FAM186A: variants seen among roughly 807,000 people sequenced by gnomAD.
FAM186A encodes family with sequence similarity 186 member A.
In FAM186A, 163 loss-of-function variants were observed where a neutral mutation model predicts 216.8. The observed-to-expected ratio is 0.75, with a 90% CI of 0.66 to 0.86. The LOEUF is 0.86. FAM186A is among the 40% of genes least tolerant of loss of function. The probability of loss-of-function intolerance (pLI) is 0.00; values close to 1 mark genes in which losing one functional copy is unlikely to be tolerated. For synonymous variants in FAM186A, 805 were observed against 1,025.3 expected, an observed-to-expected ratio of 0.79 and a Z score of 4.10; for missense variants, 2,184 against 2,746.2, an observed-to-expected ratio of 0.80 and a Z score of 4.58.
At chr12:50,328,859 T>C (rs1942629638) in intron 7 of FAM186A, among the ~76,000 whole-genome samples, 1 of 152,086 alleles carries the variant, frequency 6.6e-6, no homozygotes, top group Non-Finnish European at 1.5e-5. Flanking sequence ...CTCACGCCTG[T>C]AATCCCAACC....
chr12:50,355,843 A>G lies in FAM186A; in HGVS notation c.989T>C (p.Leu330Pro). 6.4e-7 allele frequency: 1 copy of G among 1,551,362 alleles called. No homozygotes were observed. The highest frequency in any genetic ancestry group is 8.7e-7 in the Non-Finnish European group (1 of 1,146,958). Residue 330 changes from leucine (L) to proline (P), a missense_variant, in exon 4 of 8, where the codon CTT becomes CCT. Transcript: ENST00000327337. ...TTCTATAACAATTTTGGATCGAATA[A>G]GTTGTTCACATTTTTCTTCTGCATC... is the stretch of plus-strand genomic sequence containing the variant. The part of the protein sequence containing the change: ...LQDAEEKCEQ[L>P]IRSKIVIEQL...
intron 1 of FAM186A, among the ~76,000 whole-genome samples, chr12:50,379,786 CAA>C (rs543793392): frequency 7.3e-6 from 1 of 137,716 alleles, no homozygotes. Context: ...AACTCCATCT[CAA>C]AAAAAAAAAG....
chr12:50,327,387 T>A lies in FAM186A; in HGVS notation c.7052A>T (p.Lys2351Ile), dbSNP rs978715630. The A allele has an allele frequency of 6.5e-7, 1 of 1,547,586 alleles. No homozygotes were observed. Among genetic ancestry groups the A allele is most frequent in the African/African-American group, 1.4e-5 (1 of 73,032 alleles). The part of the protein sequence containing the change: ...SLQSRVKKIP[K>I] Reference sequence around the variant, plus strand: ...TGCTTGTATTTAATTTTACAGTCATTTGGGAATCTTCTTAACCCTGGAAAT... The same window carrying A: ...TGCTTGTATTTAATTTTACAGTCATATGGGAATCTTCTTAACCCTGGAAAT... The change falls in exon 8 of 8, where the codon AAA (lysine) becomes ATA (isoleucine). Residue 2351 changes from lysine to isoleucine, a missense_variant. Transcript: ENST00000327337.
chr12:50,342,974 G>T (rs143214892), intron 4 of FAM186A, among the ~76,000 whole-genome samples: 38 of 149,932 alleles, frequency 2.5e-4, no homozygotes, highest in Admixed American at 1.4e-3. Context: ...GTCAGGCTGG[G>T]TGCAGTGGCT....
At chr12:50,359,205 C>A (rs1442410001) in intron 3 of FAM186A, among the ~76,000 whole-genome samples, 1 of 151,778 alleles carries the variant, frequency 6.6e-6, no homozygotes, top group Non-Finnish European at 1.5e-5. Flanking sequence ...TTGAGACCAG[C>A]CTGACCAACA....
intron 4 of FAM186A, among the ~76,000 whole-genome samples, chr12:50,349,929 G>A (rs1942858155): frequency 6.6e-6 from 1 of 152,114 alleles, no homozygotes; most frequent in Non-Finnish European, 1.5e-5. Flanking sequence ...TGGGATTACA[G>A]GCATGAGACA....
chr12:50,393,257 G>T (rs566208825), intron 1 of FAM186A, among the ~76,000 whole-genome samples: 1 of 152,058 alleles, frequency 6.6e-6, no homozygotes, highest in South Asian at 2.1e-4. Context: ...GTACATTTTG[G>T]CTGGGCGCGG....
intron 1 of FAM186A, among the ~76,000 whole-genome samples, chr12:50,379,792 A>C (rs141189770): frequency 6.6e-6 from 1 of 152,224 alleles, no homozygotes; most frequent in African/African-American, 2.4e-5. Flanking sequence ...ATCTCAAAAA[A>C]AAAAAGTAAA....
Position 50,350,400 on chromosome 12 carries a change from A to C in FAM186A, c.6432T>G (p.Leu2144=). Residue 2144 remains leucine (L), a synonymous_variant, in exon 4 of 8, where the codon CTT becomes CTG. Coordinates refer to ENST00000327337, the MANE Select transcript of FAM186A (RefSeq NM_001145475.3). ...TMARTLIIEI[L]HMDTVQLGYL... ...ATCCCAACTGAACTGTGTCCATATG[A>C]AGTATCTCAATTATGAGAGTCCTAG... 2 of 1,551,392 alleles carry C rather than the reference A, an allele frequency of 1.3e-6. No homozygotes were observed. The highest frequency in any genetic ancestry group is 1.7e-6 in the Non-Finnish European group (2 of 1,146,934).
chr12:50,367,574 G>C (rs1002935866), intron 1 of FAM186A, among the ~76,000 whole-genome samples: 1 of 148,182 alleles, frequency 6.7e-6, no homozygotes, highest in African/African-American at 2.5e-5. Context: ...AAAGGAAAAA[G>C]TAAAATTATC....
At chr12:50,396,208 A>T (rs1466304241) in intron 1 of FAM186A, 85 bp downstream of exon 1, 10 of 1,287,542 alleles carry the variant, frequency 7.8e-6, no homozygotes, top group Non-Finnish European at 1.0e-5. Context: ...CATGAAAGTG[A>T]TTTCTAAAAT....
chr12:50,382,240 C>A, intron 1 of FAM186A, among the ~76,000 whole-genome samples: 1 of 132,578 alleles, frequency 7.5e-6, no homozygotes, highest in African/African-American at 3.0e-5. Flanking sequence ...GAGCAAAACT[C>A]CAACTCAAAA....
At chr12:50,360,678 G>GAAAAA in intron 3 of FAM186A, 78 bp downstream of exon 3, 2 of 1,085,210 alleles carry the variant, frequency 1.8e-6, no homozygotes, top group East Asian at 3.1e-5. Context: ...GAGCGAGACT[G>GAAAAA]AAAAAAAAAA....
chr12:50,346,922 A>G (rs1328107652), intron 4 of FAM186A, among the ~76,000 whole-genome samples: 1 of 151,534 alleles, frequency 6.6e-6, no homozygotes, highest in African/African-American at 2.4e-5. Context: ...ACATGCACAC[A>G]CACACACACA....
chr12:50,354,448 A>T lies in FAM186A; in HGVS notation c.2384T>A (p.Ile795Asn). 6.4e-7 allele frequency: 1 copy of T among 1,551,484 alleles called. No homozygotes were observed. Among genetic ancestry groups the T allele is most frequent in the South Asian group, 1.2e-5 (1 of 84,062 alleles). Residue 795 changes from isoleucine (I) to asparagine (N), a missense_variant, in exon 4 of 8, where the codon ATC (isoleucine) becomes AAC (asparagine). By Grantham distance (149) the Ile-to-Asn change is moderately radical. Transcript: ENST00000327337. ...TCTTTCACTTTCTATTTCAGCCAAG[A>T]TCATTTGTATTAAATTGTTAATTAC... ...DPVINNLIQM[I>N]LAEIESERDI...
intron 7 of FAM186A, among the ~76,000 whole-genome samples, chr12:50,328,652 T>C (rs1193824800): frequency 6.6e-6 from 1 of 151,852 alleles, no homozygotes; most frequent in Non-Finnish European, 1.5e-5. Flanking sequence ...GGACTACAGG[T>C]GTGTGCCACC....
Position 50,370,269 on chromosome 12 carries a change from A to G in FAM186A, c.193-6905T>C, listed in dbSNP as rs555022458. ...CAGTGAGCCGAGATTGTGCCACTGC[A>G]TTCCATCCTAGGCGACAGAGTGACA... On this transcript the variant is annotated intron_variant, in intron 1 of 7. Coordinates refer to ENST00000327337, the MANE Select transcript of FAM186A (RefSeq NM_001145475.3). Among the ~76,000 whole-genome samples, 178 of 151,982 alleles carry G rather than the reference A, an allele frequency of 1.2e-3. 2 individuals are homozygous for G. The highest frequency in any genetic ancestry group is 4.1e-3 in the African/African-American group (168 of 41,452).
intron 1 of FAM186A, among the ~76,000 whole-genome samples, chr12:50,369,997 G>A (rs1414446752): frequency 1.3e-5 from 2 of 151,614 alleles, no homozygotes; most frequent in Non-Finnish European, 2.9e-5. Flanking sequence ...GGTGGTGGGC[G>A]CCTGTAGTCC....
chr12:50,335,294 A>G (rs1942696657), intron 4 of FAM186A, among the ~76,000 whole-genome samples: 1 of 152,150 alleles, frequency 6.6e-6, no homozygotes, highest in African/African-American at 2.4e-5. Flanking sequence ...TGTAATAAAA[A>G]TTACCTTAGG....
Sources: gnomAD v4.1 joint callset for allele counts (sites outside exome capture counted in the v4.1 genomes callset) on GRCh38, gnomAD v4.1.1 for gene constraint, MANE v1.5 for transcripts, NCBI Gene and HGNC (gene_info 2026-07-23, HGNC 2026-07-21) for gene names.